LPA: variants seen among roughly 807,000 people sequenced by gnomAD.
The protein encoded by LPA is apolipoprotein(a).
LPA carries 199 observed loss-of-function variants against 197.9 expected under a neutral mutation model. The ratio of observed to expected loss-of-function variants is 1.01; its 90% confidence interval spans 0.90 to 1.13. The LOEUF (loss-of-function observed/expected upper bound fraction) is 1.13, where lower values mean the gene tolerates loss of function less well. Ranked by LOEUF, LPA falls within the 50% of genes most tolerant of loss-of-function variation. LPA has a pLI of 0.00. For synonymous variants in LPA, 715 were observed against 639.5 expected, an observed-to-expected ratio of 1.12 and a Z score of -1.78; for missense variants, 1,853 against 1,785.8, an observed-to-expected ratio of 1.04 and a Z score of -0.68.
intron 28 of LPA, among the ~76,000 whole-genome samples, chr6:160,569,630 A>C (rs932944274): frequency 1.3e-5 from 2 of 152,206 alleles, no homozygotes; most frequent in African/African-American, 2.4e-5. Flanking sequence ...AAATTGACCA[A>C]TGGGATCTAA....
At chr6:160,657,546 G>C (rs1030820466) in intron 1 of LPA, among the ~76,000 whole-genome samples, 3 of 151,804 alleles carry the variant, frequency 2.0e-5, no homozygotes, top group African/African-American at 7.3e-5. Context: ...TTACAGTTAC[G>C]CATCACCATG....
chr6:160,556,147 G>A lies in LPA; in HGVS notation c.4851C>T (p.Tyr1617=), dbSNP rs764894583. Residue 1617 remains tyrosine, a synonymous_variant, in exon 30 of 39, where the codon TAC becomes TAT. Transcript: ENST00000316300. ...CTCGATAACTCTGGCCATTACCATG[G>A]TAGCACTGCCGGACCACAGGGGTTT... The part of the protein sequence containing the change: ...TEQTPVVRQC[Y]HGNGQSYRGT... 1.9e-6 allele frequency: 3 copies of A among 1,613,950 alleles called. No individual in the cohort carries two copies. The highest frequency in any genetic ancestry group is 2.5e-6 in the Non-Finnish European group (3 of 1,179,962).
At chr6:160,662,354 A>T (rs1780240920) in intron 1 of LPA, among the ~76,000 whole-genome samples, 1 of 152,246 alleles carries the variant, frequency 6.6e-6, no homozygotes, top group African/African-American at 2.4e-5. Context: ...TGTGTAAAAG[A>T]CTTAGCAATT....
chr6:160,647,021 G>C (rs1271052940), intron 2 of LPA, among the ~76,000 whole-genome samples: 1 of 152,162 alleles, frequency 6.6e-6, no homozygotes, highest in African/African-American at 2.4e-5. Flanking sequence ...CGGTCAAGTA[G>C]GTTTGTTTCT....
chr6:160,595,292 AT>A, intron 21 of LPA, 61 bp downstream of exon 21: 1 of 1,595,322 alleles, frequency 6.3e-7, no homozygotes. Flanking sequence ...TATCACTAAG[AT>A]TTTGCAACTC....
chr6:160,596,110 A>G (rs899086842), intron 20 of LPA, among the ~76,000 whole-genome samples: 5 of 152,198 alleles, frequency 3.3e-5, no homozygotes, highest in Admixed American at 3.3e-4. Flanking sequence ...AACATTCCTG[A>G]ATTTATTCAC....
chr6:160,566,054 C>T (rs1032991187), intron 28 of LPA, among the ~76,000 whole-genome samples: 10 of 152,126 alleles, frequency 6.6e-5, no homozygotes, highest in Non-Finnish European at 1.2e-4. Context: ...TCTACATCTG[C>T]TTGGTGTACC....
chr6:160,585,096 C>T lies in LPA; in HGVS notation c.4239G>A (p.Ser1413=), dbSNP rs535318353. Residue 1413 remains serine (S), a synonymous_variant, in exon 26 of 39, where the codon TCG becomes TCA. Coordinates refer to ENST00000316300, the MANE Select transcript of LPA (RefSeq NM_005577.4). The part of the protein sequence containing the change: ...TITGRTCQSW[S]SMTPHWHRRI... ...TCCGATGCCAATGTGGTGTCATAGA[C>T]GACCAAGACTGACATGTTCTTCCTG... is the stretch of plus-strand genomic sequence containing the variant. 3.0e-4 allele frequency: 486 copies of T among 1,613,750 alleles called. 3 individuals are homozygous for T. The South Asian group carries it at 4.3e-3, about 14-fold the overall frequency.
intron 37 of LPA, among the ~76,000 whole-genome samples, chr6:160,535,278 G>A (rs1371253641): frequency 2.1e-4 from 4 of 19,036 alleles, no homozygotes; most frequent in Non-Finnish European, 3.4e-4. Context: ...TGATGGTGGT[G>A]ATGGTGATAG....
At chr6:160,566,920 G>C (rs924550052) in intron 28 of LPA, among the ~76,000 whole-genome samples, 1 of 152,062 alleles carries the variant, frequency 6.6e-6, no homozygotes, top group African/African-American at 2.4e-5. Flanking sequence ...ATGGTAAAGG[G>C]ACCAATTTAA....
chr6:160,585,060 T>C lies in LPA; in HGVS notation c.4275A>G (p.Leu1425=). Residue 1425 remains leucine (L), a synonymous_variant, in exon 26 of 39, where the codon TTA becomes TTG. Transcript: ENST00000316300. ...GATAGACATACGCATTTGGATAGTA[T>C]AATGGGATCCTCCGATGCCAATGTG... ...MTPHWHRRIP[L]YYPNAGLTRN... 1 of 1,613,754 alleles carries C rather than the reference T, an allele frequency of 6.2e-7. No homozygotes were observed. Among genetic ancestry groups the C allele is most frequent in the Non-Finnish European group, 8.5e-7 (1 of 1,179,728 alleles).
chr6:160,573,621 T>G (rs954385014), intron 28 of LPA, among the ~76,000 whole-genome samples: 1 of 152,224 alleles, frequency 6.6e-6, no homozygotes, highest in African/African-American at 2.4e-5. Context: ...GGTGTTCCCT[T>G]GATGTAGTAC....
chr6:160,596,743 G>T (rs891264822), intron 20 of LPA, among the ~76,000 whole-genome samples: 1 of 152,228 alleles, frequency 6.6e-6, no homozygotes. Flanking sequence ...AGGTCCTCAG[G>T]TTTCTCTAGA....
At position 160,606,484 on chromosome 6, in the gene LPA, A is replaced by G. The variant is rs748735722; in HGVS notation, c.2778T>C (p.Ser926=). Residue 926 remains serine, a synonymous_variant, in exon 17 of 39, where the codon TCT becomes TCC. Transcript: ENST00000316300. ...ITPIPSLEAP[S]EQAPTEQRPG... ...TGGCCACAGGCTCCTTACCTTGTTC[A>G]GAAGGAGCCTCTAGGCTTGGAATCG... The G allele has an allele frequency of 1.3e-5, 21 of 1,613,280 alleles. No individual in the cohort carries two copies. The highest frequency in any genetic ancestry group is 3.5e-4 in the Middle Eastern group (2 of 5,710).
chr6:160,595,239 G>A, intron 21 of LPA, 115 bp downstream of exon 21: 1 of 1,330,048 alleles, frequency 7.5e-7, no homozygotes, highest in Non-Finnish European at 1.1e-6. Flanking sequence ...CTGACCCTGA[G>A]TCCACATTCT....
At position 160,556,045 on chromosome 6, in the gene LPA, G is replaced by C; in HGVS notation, c.4953C>G (p.Thr1651=). The change falls in exon 30 of 39, where the codon ACC becomes ACG. Residue 1651 remains threonine, a synonymous_variant. Coordinates refer to ENST00000316300, the MANE Select transcript of LPA (RefSeq NM_005577.4). The stretch of plus-strand genomic sequence containing the variant: ...CATACTCATTTGGGTAGTTTTCTGG[G>C]GTCCTCTGATGCCGGTGTGGTGTCA... ...SSMTPHRHQR[T]PENYPNDGLT... 1.2e-6 allele frequency: 2 copies of C among 1,611,216 alleles called. No homozygotes were observed. Among genetic ancestry groups the C allele is most frequent in the Non-Finnish European group, 1.7e-6 (2 of 1,177,662 alleles).
intron 26 of LPA, among the ~76,000 whole-genome samples, chr6:160,581,125 T>C (rs1442830204): frequency 1.3e-5 from 2 of 152,156 alleles, no homozygotes; most frequent in Non-Finnish European, 2.9e-5. Flanking sequence ...GTCACATTTG[T>C]TATAGTTTTT....
chr6:160,553,954 T>TGTGTGTGTGTGTGC (rs771903485), intron 30 of LPA, among the ~76,000 whole-genome samples: 3,835 of 130,668 alleles, frequency 0.029, 101 homozygotes, highest in African/African-American at 0.064. Flanking sequence ...TGTGTGTGTG[T>TGTGTGTGTGTGTGC]GCGCGCGCGC....
intron 28 of LPA, among the ~76,000 whole-genome samples, chr6:160,574,433 G>A (rs1444491568): frequency 6.6e-6 from 1 of 151,946 alleles, no homozygotes; most frequent in Non-Finnish European, 1.5e-5. Flanking sequence ...TTCTCCCCCT[G>A]TTCAAATTGT....
Sources: gnomAD v4.1 joint callset for allele counts (sites outside exome capture counted in the v4.1 genomes callset) on GRCh38, gnomAD v4.1.1 for gene constraint, MANE v1.5 for transcripts, NCBI Gene and HGNC (gene_info 2026-07-23, HGNC 2026-07-21) for gene names.